The following UBR3 variants were observed in gnomAD, a reference collection of about 807,000 sequenced individuals.
UBR3 encodes the protein ubiquitin protein ligase E3 component n-recognin 3.
A neutral mutation model predicts 243.2 loss-of-function variants in UBR3; 85 were observed. The observed-to-expected ratio is 0.35, with a 90% CI of 0.29 to 0.42. The LOEUF (loss-of-function observed/expected upper bound fraction) is 0.42, where lower values mean the gene tolerates loss of function less well. Ranked by LOEUF, UBR3 falls within the 10% of genes least tolerant of loss-of-function variation. The pLI, the probability that UBR3 is intolerant of heterozygous loss-of-function variation, is 1.00. For missense variants in UBR3, 1,686 were observed against 2,300.8 expected (o/e 0.73, Z 5.47); for synonymous variants, 748 against 799.8 (o/e 0.94, Z 1.09).
At position 170,083,057 on chromosome 2, in the gene UBR3, TA is replaced by T. The variant is rs1361319416; in HGVS notation, c.*1216del. On this transcript the variant is annotated 3_prime_UTR_variant, in exon 39 of 39. Transcript: ENST00000272793. The stretch of plus-strand genomic sequence containing the variant: ...AGATTTTTTTTCCTAAATGATTCAG[TA>T]ATTGAATGATTATTTAATATATAGT... The T allele has an allele frequency of 2.6e-5, 4 of 152,746 alleles. No individual in the cohort carries two copies. In the South Asian group the frequency reaches 6.2e-4, roughly 24 times the overall value. The allele number at this position is 152,746 out of a possible 1,614,324, so 9.5% of individuals were successfully genotyped here.
intron 1 of UBR3, among the ~76,000 whole-genome samples, chr2:169,858,659 G>C (rs1176034472): frequency 6.6e-6 from 1 of 151,936 alleles, no homozygotes; most frequent in African/African-American, 2.4e-5. Context: ...GAATGCAATG[G>C]GGTGATCTCA....
chr2:169,845,981 C>T (rs555221689), intron 1 of UBR3, among the ~76,000 whole-genome samples: 4 of 152,188 alleles, frequency 2.6e-5, no homozygotes, highest in South Asian at 2.1e-4. Flanking sequence ...CTCAGAATGT[C>T]GTCTCTCTTG....
At chr2:170,080,229 C>T (rs568383779) in intron 37 of UBR3, 1 of 596,778 alleles carries the variant, frequency 1.7e-6, no homozygotes, top group African/African-American at 1.9e-5. Context: ...AAGTACAATT[C>T]TAGTTCTCCT....
At chr2:169,921,948 G>A (rs931866438) in intron 11 of UBR3, among the ~76,000 whole-genome samples, 4 of 151,974 alleles carry the variant, frequency 2.6e-5, no homozygotes, top group Non-Finnish European at 4.4e-5. Flanking sequence ...CTGAGATCGC[G>A]CCACCGTACT....
chr2:169,926,209 C>T (rs2085903027), intron 14 of UBR3, among the ~76,000 whole-genome samples: 1 of 152,170 alleles, frequency 6.6e-6, no homozygotes, highest in South Asian at 2.1e-4. Context: ...TTAGTATGTT[C>T]AGGAATTAAC....
chr2:169,988,745 T>C (rs138203488), intron 25 of UBR3, among the ~76,000 whole-genome samples: 88 of 152,256 alleles, frequency 5.8e-4, no homozygotes, highest in African/African-American at 2.1e-3. Flanking sequence ...GAGGTTGCAG[T>C]GAGCTGAGAT....
At chr2:169,920,505 G>T (rs1025283642) in intron 11 of UBR3, among the ~76,000 whole-genome samples, 4 of 151,966 alleles carry the variant, frequency 2.6e-5, no homozygotes, top group African/African-American at 9.7e-5. Flanking sequence ...AATACATAGG[G>T]ATGTCTCAGG....
chr2:169,950,660 A>G (rs912785124), intron 23 of UBR3, among the ~76,000 whole-genome samples: 1 of 151,386 alleles, frequency 6.6e-6, no homozygotes. Context: ...GATATATACT[A>G]TGTTATGTGG....
Position 169,872,389 on chromosome 2 carries a change from T to G in UBR3, c.685+14T>G. The G allele has an allele frequency of 7.0e-7, 1 of 1,425,336 alleles. No homozygotes were observed. Among genetic ancestry groups the G allele is most frequent in the Non-Finnish European group, 9.5e-7 (1 of 1,057,070 alleles). The allele number at this position is 1,425,336 out of a possible 1,614,324, so 88.3% of individuals were successfully genotyped here. A position where few individuals can be genotyped will look rare whatever the true frequency, so the allele number is the denominator to read the frequency against. On this transcript the variant is annotated intron_variant, in intron 2 of 38. Transcript: ENST00000272793. The stretch of plus-strand genomic sequence containing the variant: ...ATAATGAACCAGGTATGTTTTAATC[T>G]ACTTCTTGTTAGTACTCTTTTTAAA...
chr2:169,969,715 A>G (rs1299580541), intron 24 of UBR3, among the ~76,000 whole-genome samples: 1 of 151,054 alleles, frequency 6.6e-6, no homozygotes, highest in East Asian at 1.9e-4. Flanking sequence ...TGCCCGGCTA[A>G]TTTTTTTATA....
intron 25 of UBR3, among the ~76,000 whole-genome samples, chr2:169,987,408 A>AC (rs1266122032): frequency 6.8e-6 from 1 of 147,938 alleles, no homozygotes; most frequent in East Asian, 2.0e-4. Flanking sequence ...AAAAAAAAAA[A>AC]CAAAAAAAAA....
intron 10 of UBR3, among the ~76,000 whole-genome samples, chr2:169,909,009 G>T (rs2085136756): frequency 6.6e-6 from 1 of 151,628 alleles, no homozygotes; most frequent in Admixed American, 6.6e-5. Context: ...ATTTTTTTTA[G>T]TAGAAACGGG....
chr2:170,001,800 C>T (rs1171654435), intron 27 of UBR3, among the ~76,000 whole-genome samples: 1 of 150,844 alleles, frequency 6.6e-6, no homozygotes, highest in East Asian at 2.0e-4. Context: ...GTAATCCCAG[C>T]TACTTGGGAG....
At chr2:169,981,731 T>G (rs2088741284) in intron 24 of UBR3, among the ~76,000 whole-genome samples, 1 of 152,210 alleles carries the variant, frequency 6.6e-6, no homozygotes, top group South Asian at 2.1e-4. Flanking sequence ...AGTCATACCA[T>G]GCTAATGTAA....
chr2:170,070,266 T>G (rs1003271636), intron 35 of UBR3, among the ~76,000 whole-genome samples: 13 of 152,182 alleles, frequency 8.5e-5, no homozygotes, highest in African/African-American at 2.9e-4. Context: ...GATCATTTCA[T>G]TTGTCAAAGA....
intron 1 of UBR3, among the ~76,000 whole-genome samples, chr2:169,841,928 A>G (rs1003698606): frequency 9.9e-5 from 15 of 152,220 alleles, no homozygotes; most frequent in Admixed American, 2.0e-4. Flanking sequence ...AGCGCACGGC[A>G]CAGGACTGGC....
intron 35 of UBR3, among the ~76,000 whole-genome samples, chr2:170,066,532 C>G (rs1237746528): frequency 1.3e-5 from 2 of 152,062 alleles, no homozygotes; most frequent in Non-Finnish European, 2.9e-5. Context: ...CTCCATAAAA[C>G]TTGAAGAACA....
intron 25 of UBR3, among the ~76,000 whole-genome samples, chr2:169,990,680 T>C (rs1286974873): frequency 6.6e-6 from 1 of 150,892 alleles, no homozygotes; most frequent in East Asian, 1.9e-4. Flanking sequence ...AGATGTTAAT[T>C]CTAATCCCTG....
At chr2:170,033,775 T>C (rs1057090332) in intron 31 of UBR3, among the ~76,000 whole-genome samples, 1 of 151,776 alleles carries the variant, frequency 6.6e-6, no homozygotes, top group Admixed American at 6.6e-5. Context: ...GTTTTTCATA[T>C]ATACTTTTTT....
Sources: allele counts gnomAD v4.1 joint callset (sites outside exome capture counted in the v4.1 genomes callset), GRCh38; gene constraint gnomAD v4.1.1; transcripts MANE v1.5; gene names NCBI Gene and HGNC (gene_info 2026-07-23, HGNC 2026-07-21).